The following OXNAD1 variants were observed in gnomAD, a reference collection of about 807,000 sequenced individuals.
OXNAD1 encodes the protein oxidoreductase NAD binding domain containing 1.
A neutral mutation model predicts 32.9 loss-of-function variants in OXNAD1; 34 were observed. The observed-to-expected ratio is 1.03, with a 90% CI of 0.79 to 1.38. OXNAD1 has a LOEUF of 1.38. Ranked by LOEUF, OXNAD1 falls within the 40% of genes most tolerant of loss-of-function variation. The pLI is 0.00. For missense variants in OXNAD1, 407 were observed against 379.4 expected (o/e 1.07, Z -0.60); for synonymous variants, 134 against 135.2 (o/e 0.99, Z 0.06).
chr3:16,301,759 G>T lies in OXNAD1; in HGVS notation c.566G>T (p.Arg189Leu). ...ATTAACCCTCTGCTTTCCATCCTGC[G>T]GCACGCAGCAGATCTCCTCAGAGAG... is the stretch of plus-strand genomic sequence containing the variant. ...VGINPLLSIL[R>L]HAADLLREQA... is the part of the protein sequence containing the mutation. The change falls in exon 7 of 9, where the codon CGG becomes CTG. Residue 189 changes from arginine (R) to leucine (L), a missense_variant. By Grantham distance (102) the Arg-to-Leu change is moderately radical. Coordinates refer to ENST00000285083, the MANE Select transcript of OXNAD1 (RefSeq NM_138381.5). The surrounding 1 kb of genome is among the most constrained non-coding windows in gnomAD (Gnocchi z 4.1). 1 of 1,613,978 alleles carries T rather than the reference G, an allele frequency of 6.2e-7. No individual in the cohort carries two copies. Among genetic ancestry groups the T allele is most frequent in the Non-Finnish European group, 8.5e-7 (1 of 1,179,978 alleles).
At position 16,272,839 on chromosome 3, in the gene OXNAD1, T is replaced by A. The variant is rs570258849; in HGVS notation, c.183+1117T>A. ...GATTTCTTTTTATAAAATGAAGGCC[T>A]TGCAAATTATGAAAAAAAAAAGTGA... On this transcript the variant is annotated intron_variant, in intron 4 of 8. Transcript: ENST00000285083. 2.6e-5 allele frequency among the ~76,000 whole-genome samples: 4 copies of A among 151,888 alleles called. No homozygotes were observed. The East Asian group carries it at 7.7e-4, about 29-fold the overall frequency.
rs112003033 is a variant in OXNAD1, at chr3:16,287,714, G to A, written c.290+1266G>A. Among the ~76,000 whole-genome samples the A allele has an allele frequency of 0.01, 1,566 of 152,280 alleles. 23 individuals are homozygous for A. The highest frequency in any genetic ancestry group is 0.035 in the African/African-American group (1,471 of 41,544). ...GAAAAGCCTGTGCATTGGTTATTGT[G>A]CTGCCACCGTGGTGTGCCTGCAAGT... On this transcript the variant is annotated intron_variant, in intron 5 of 8. Transcript: ENST00000285083. The surrounding 1 kb of genome is among the most constrained non-coding windows in gnomAD (Gnocchi z 4.8).
intron 9 of OXNAD1, among the ~76,000 whole-genome samples, chr3:16,326,078 G>A (rs541993879): frequency 4.1e-4 from 63 of 152,346 alleles, no homozygotes; most frequent in African/African-American, 1.4e-3. Flanking sequence ...TCTGCAAAAT[G>A]GGAATCATAT....
In OXNAD1 at chr3:16,303,493, CTT is replaced by C. The variant is rs1262762244; in HGVS notation, c.874_875del (p.Phe292LeufsTer17). The C allele has an allele frequency of 1.2e-6, 2 of 1,614,040 alleles. No individual in the cohort carries two copies. Among genetic ancestry groups the C allele is most frequent in the Non-Finnish European group, 1.7e-6 (2 of 1,179,952 alleles). On this transcript the variant is annotated frameshift_variant, in exon 9 of 9. Transcript: ENST00000285083. LOFTEE classifies it high-confidence loss of function. The surrounding 1 kb of genome is among the most constrained non-coding windows in gnomAD (Gnocchi z 4.8). ...TTTGTGGCCCACCTCCAATGACAGA[CTT>C]TTTCTCCAAGCAACTGGAAAACAAC... The part of the protein sequence containing the change: ...YICGPPPMTD[F>X]FSKQLENNHV...
downstream of OXNAD1, chr3:16,339,362 C>A (rs2071153466): frequency 6.6e-6 from 1 of 152,270 alleles, no homozygotes; most frequent in African/African-American, 2.4e-5. Context: ...TCTTTGAGGA[C>A]CCAGCTCTGA....
chr3:16,351,540 AC>A (rs1215069932), downstream of OXNAD1, among the ~76,000 whole-genome samples: 2 of 152,160 alleles, frequency 1.3e-5, no homozygotes, highest in African/African-American at 4.8e-5. The surrounding 1 kb of genome is among the most constrained non-coding windows in gnomAD (Gnocchi z 5.4). Flanking sequence ...CTGTAATGAT[AC>A]CCTAAGCCAT....
rs1434495463 is a variant in OXNAD1, at chr3:16,280,270, C to T, written c.184-6072C>T. Among the ~76,000 whole-genome samples the T allele has an allele frequency of 6.6e-6, 1 of 152,016 alleles. No homozygotes were observed. Reference sequence around the variant, plus strand: ...GAGAGGATAGTTGCTGGAGGGAAGGCTTGAGAAGACGGAGAGGAGACCAGC... The same window carrying T: ...GAGAGGATAGTTGCTGGAGGGAAGGTTTGAGAAGACGGAGAGGAGACCAGC... On this transcript the variant is annotated intron_variant, in intron 4 of 8. Coordinates refer to ENST00000285083, the MANE Select transcript of OXNAD1 (RefSeq NM_138381.5). This position sits in a 1 kb window ranked among gnomAD's most constrained non-coding sequence, Gnocchi z 4.5.
chr3:16,271,535 G>A lies in OXNAD1; in HGVS notation c.120-124G>A. 1.3e-6 allele frequency: 1 copy of A among 798,524 alleles called. No homozygotes were observed. Among genetic ancestry groups the A allele is most frequent in the Non-Finnish European group, 1.9e-6 (1 of 534,082 alleles). 49.5% of individuals were successfully genotyped at this position (798,524 alleles called of 1,614,324 possible). On this transcript the variant is annotated intron_variant, in intron 3 of 8. Transcript: ENST00000285083. The surrounding 1 kb of genome is among the most constrained non-coding windows in gnomAD (Gnocchi z 4.6). ...TTAGTTAGACGGGCAGATACTCACT[G>A]GCCATTTTATAGGATCTGTAATGTT...
rs115625197 is a variant in OXNAD1 at position 16,288,538 on chromosome 3, A to T, written c.290+2090A>T. On this transcript the variant is annotated intron_variant, in intron 5 of 8. Transcript: ENST00000285083. The surrounding 1 kb of genome is among the most constrained non-coding windows in gnomAD (Gnocchi z 5.1). ...AGATCCCCATGTAGACACCTTCAGC[A>T]TAGATCAGATATAGGCCTCAAGGGG... is the stretch of plus-strand genomic sequence containing the variant. 5.7e-3 allele frequency among the ~76,000 whole-genome samples: 863 copies of T among 152,316 alleles called. 7 individuals are homozygous for T. Among genetic ancestry groups the T allele is most frequent in the African/African-American group, 0.02 (815 of 41,582 alleles).
rs370820242 is a variant in OXNAD1, at chr3:16,345,788, C to CTGTGTGTGTGTGTGTGTGTG, written c.*31-3377_*31-3358dup. ...TGAGCCAAAACCTTATAATAAATCT[C>CTGTGTGTGTGTGTGTGTGTG]TGTGTGTGTGTGTGTGTGTGTGTGT... On this transcript the variant is annotated intron_variant, in intron 9 of 9. Transcript: ENST00000606098. The surrounding 1 kb of genome is among the most constrained non-coding windows in gnomAD (Gnocchi z 5.2). 2.2e-3 allele frequency among the ~76,000 whole-genome samples: 285 copies of CTGTGTGTGTGTGTGTGTGTG among 127,198 alleles called. No homozygotes were observed. The highest frequency in any genetic ancestry group is 5.5e-3 in the East Asian group (25 of 4,530). The allele number at this position is 127,198 out of a possible 152,430, so 83.4% of individuals were successfully genotyped here.
intron 9 of OXNAD1, among the ~76,000 whole-genome samples, chr3:16,319,681 A>G (rs2068827354): frequency 6.6e-6 from 1 of 152,224 alleles, no homozygotes; most frequent in Admixed American, 6.5e-5. Flanking sequence ...GTAGAAGATC[A>G]CATCTTGTTG....
rs1438500880 is a variant in OXNAD1, at chr3:16,280,116, A to G, written c.184-6226A>G. On this transcript the variant is annotated intron_variant, in intron 4 of 8. Transcript: ENST00000285083. This position sits in a 1 kb window ranked among gnomAD's most constrained non-coding sequence, Gnocchi z 4.5. The stretch of plus-strand genomic sequence containing the variant: ...AGACTGAGTGAATCAATGTATGTAA[A>G]GTGCCTGACATATGGTAAGGATGTC... Among the ~76,000 whole-genome samples, 1 of 152,192 alleles carries G rather than the reference A, an allele frequency of 6.6e-6. No homozygotes were observed. Among genetic ancestry groups the G allele is most frequent in the South Asian group, 2.1e-4 (1 of 4,832 alleles).
Position 16,267,593 on chromosome 3 carries a change from A to G in OXNAD1, c.-158-1533A>G, listed in dbSNP as rs566586075. Among the ~76,000 whole-genome samples, 4 of 152,232 alleles carry G rather than the reference A, an allele frequency of 2.6e-5. No individual in the cohort carries two copies. The South Asian group carries it at 8.3e-4, about 32-fold the overall frequency. On this transcript the variant is annotated intron_variant, in intron 1 of 8. Coordinates refer to ENST00000285083, the MANE Select transcript of OXNAD1 (RefSeq NM_138381.5). Reference sequence around the variant, plus strand: ...ACATTTGCTTGGCCGCCTTTTCCTCATCATTCAGATCTCAGCCAAGGTGTC... The same window carrying G: ...ACATTTGCTTGGCCGCCTTTTCCTCGTCATTCAGATCTCAGCCAAGGTGTC...
chr3:16,265,252 A>C lies in OXNAD1; in HGVS notation c.-412A>C, dbSNP rs2064405210. 4.1e-6 allele frequency: 1 copy of C among 241,212 alleles called. No homozygotes were observed. Among genetic ancestry groups the C allele is most frequent in the Non-Finnish European group, 8.2e-6 (1 of 122,200 alleles). 14.9% of individuals were successfully genotyped at this position (241,212 alleles called of 1,614,324 possible). A position where few individuals can be genotyped will look rare whatever the true frequency, so the allele number is the denominator to read the frequency against. ...GCAACTAAACGTGGCCGGGTCTGCA[A>C]GCTAGGTGCCAGCGGGGAAAGTTTC... On this transcript the variant is annotated 5_prime_UTR_variant, in exon 1 of 9. Coordinates refer to ENST00000285083, the MANE Select transcript of OXNAD1 (RefSeq NM_138381.5). This position sits in a 1 kb window ranked among gnomAD's most constrained non-coding sequence, Gnocchi z 4.8.
rs543218158 is a variant in OXNAD1, at chr3:16,271,566, G to A, written c.120-93G>A. The A allele has an allele frequency of 5.0e-5, 53 of 1,061,808 alleles. 2 individuals are homozygous for A. In the South Asian group the frequency reaches 7.9e-4, roughly 16 times the overall value. The allele number at this position is 1,061,808 out of a possible 1,614,324, so 65.8% of individuals were successfully genotyped here. On this transcript the variant is annotated intron_variant, in intron 3 of 8. Transcript: ENST00000285083. The surrounding 1 kb of genome is among the most constrained non-coding windows in gnomAD (Gnocchi z 4.6). ...TTTATAGGATCTGTAATGTTACACT[G>A]TATTTAGGATAACCATGATATTTCA...
In OXNAD1 at chr3:16,303,349, C is replaced by T; in HGVS notation, c.785-59C>T. On this transcript the variant is annotated intron_variant, in intron 8 of 8. Transcript: ENST00000285083. The surrounding 1 kb of genome is among the most constrained non-coding windows in gnomAD (Gnocchi z 4.8). ...GTATCTGAATTGTGGTTAGTCCTTCCTCATTTGCTGATACAACCATGTCTG... is the reference window on the plus strand; with the variant it reads ...GTATCTGAATTGTGGTTAGTCCTTCTTCATTTGCTGATACAACCATGTCTG... 1 of 1,579,450 alleles carries T rather than the reference C, an allele frequency of 6.3e-7. No individual in the cohort carries two copies. Among genetic ancestry groups the T allele is most frequent in the Non-Finnish European group, 8.7e-7 (1 of 1,154,782 alleles).
chr3:16,313,205 A>ATTTTTTTTTTTTTTTTTT lies in OXNAD1; in HGVS notation c.*30+9614_*30+9631dup, dbSNP rs750491540. On this transcript the variant is annotated intron_variant, in intron 9 of 9. Coordinates refer to the OXNAD1 transcript ENST00000435829. ...GTACATGTACCACCACACCCAGCGG[A>ATTTTTTTTTTTTTTTTTT]TTTTTTTTTTTTTTTTTTGCAGAGG... is the stretch of plus-strand genomic sequence containing the variant. Among the ~76,000 whole-genome samples the ATTTTTTTTTTTTTTTTTT allele has an allele frequency of 3.0e-3, 308 of 103,706 alleles. 28 individuals are homozygous for ATTTTTTTTTTTTTTTTTT. Among genetic ancestry groups the ATTTTTTTTTTTTTTTTTT allele is most frequent in the African/African-American group, 6.0e-3 (136 of 22,762 alleles). 68.0% of individuals were successfully genotyped at this position (103,706 alleles called of 152,430 possible).
chr3:16,327,603 C>G lies in OXNAD1; in HGVS notation c.*31-9509C>G, dbSNP rs963166969. On this transcript the variant is annotated intron_variant, in intron 9 of 9. Coordinates refer to the OXNAD1 transcript ENST00000435829. The surrounding 1 kb of genome is among the most constrained non-coding windows in gnomAD (Gnocchi z 4.2). ...TGAAACCCCGTCTCTACTAAAAATA[C>G]AAAAAAAATTAGCCAGGCCTGGTGG... Among the ~76,000 whole-genome samples, 1 of 151,474 alleles carries G rather than the reference C, an allele frequency of 6.6e-6. No homozygotes were observed. Among genetic ancestry groups the G allele is most frequent in the Non-Finnish European group, 1.5e-5 (1 of 67,830 alleles).
Position 16,336,053 on chromosome 3 carries a change from G to A in OXNAD1, c.*31-1059G>A, listed in dbSNP as rs930509488. On this transcript the variant is annotated intron_variant, in intron 9 of 9. Coordinates refer to the OXNAD1 transcript ENST00000435829. This position sits in a 1 kb window ranked among gnomAD's most constrained non-coding sequence, Gnocchi z 6.0. ...GAGGGTAGAGGTCCTGTTCTCCTAC[G>A]GCCATGGAAAGTGGAGATCTAGAGG... Among the ~76,000 whole-genome samples the A allele has an allele frequency of 2.0e-5, 3 of 152,160 alleles. No individual in the cohort carries two copies. The highest frequency in any genetic ancestry group is 2.9e-5 in the Non-Finnish European group (2 of 68,030).
Sources: allele counts gnomAD v4.1 joint callset (sites outside exome capture counted in the v4.1 genomes callset), GRCh38; gene constraint gnomAD v4.1.1; non-coding constraint Gnocchi (gnomAD v3.1); transcripts MANE v1.5; gene names NCBI Gene and HGNC (gene_info 2026-07-23, HGNC 2026-07-21).